SCAF1: variants seen among roughly 807,000 people sequenced by gnomAD.
The protein encoded by SCAF1 is SR-related CTD associated factor 1.
In SCAF1, 28 loss-of-function variants were observed where a neutral mutation model predicts 91.2. That is an observed-to-expected ratio of 0.31 (90% CI 0.23 to 0.42). The LOEUF (loss-of-function observed/expected upper bound fraction) is 0.42, where lower values mean the gene tolerates loss of function less well. Ranked by LOEUF, SCAF1 falls within the 10% of genes least tolerant of loss-of-function variation. The pLI is 1.00. For synonymous variants in SCAF1, 1,036 were observed against 833.7 expected (o/e 1.24, Z -4.18); for missense variants, 1,893 against 1,872.1 (o/e 1.01, Z -0.21).
intron 6 of SCAF1, among the ~76,000 whole-genome samples, chr19:49,650,342 G>T (rs2081078036): frequency 6.6e-6 from 1 of 152,152 alleles, no homozygotes; most frequent in African/African-American, 2.4e-5. Flanking sequence ...GGCGCAGCAG[G>T]CCAGAGCTTG....
In SCAF1 at chr19:49,653,187, G is replaced by T. The variant is rs768112908; in HGVS notation, c.2798G>T (p.Ser933Ile). The change falls in exon 7 of 11, where the codon AGC becomes ATC. Residue 933 changes from serine to isoleucine, a missense_variant. Transcript: ENST00000360565. ...AAAAAGGTCCGCAGTGGAGGTGGCAGCGGGGGCAGTGGTGGCCAGGTGTCG... is the reference window on the plus strand; with the variant it reads ...AAAAAGGTCCGCAGTGGAGGTGGCATCGGGGGCAGTGGTGGCCAGGTGTCG... The part of the protein sequence containing the change: ...TRKKVRSGGG[S>I]GGSGGQVSLK... The T allele has an allele frequency of 1.3e-6, 2 of 1,571,152 alleles. No homozygotes were observed. Among genetic ancestry groups the T allele is most frequent in the Non-Finnish European group, 1.7e-6 (2 of 1,159,230 alleles).
At position 49,658,322 on chromosome 19, in the gene SCAF1, C is replaced by A. The variant is rs1410616643; in HGVS notation, c.3862C>A (p.Pro1288Thr). The part of the protein sequence containing the change: ...RKHGRKPGDP[P>T]GPPRPPKEPG... Reference sequence around the variant, plus strand: ...GCACGGTCGCAAGCCAGGGGACCCCCCAGGGCCCCCACGGCCGCCCAAGGA... The same window carrying A: ...GCACGGTCGCAAGCCAGGGGACCCCACAGGGCCCCCACGGCCGCCCAAGGA... Residue 1288 changes from proline to threonine, a missense_variant, in exon 11 of 11, where the codon CCA becomes ACA. Coordinates refer to ENST00000360565, the MANE Select transcript of SCAF1 (RefSeq NM_021228.3). 6.3e-7 allele frequency: 1 copy of A among 1,599,942 alleles called. No individual in the cohort carries two copies. Among genetic ancestry groups the A allele is most frequent in the East Asian group, 2.3e-5 (1 of 43,972 alleles).
In SCAF1 at chr19:49,651,930, C is replaced by T; in HGVS notation, c.1541C>T (p.Pro514Leu). 1 of 1,182,250 alleles carries T rather than the reference C, an allele frequency of 8.5e-7. No homozygotes were observed. The highest frequency in any genetic ancestry group is 1.1e-6 in the Non-Finnish European group (1 of 948,276). 73.2% of individuals were successfully genotyped at this position (1,182,250 alleles called of 1,614,324 possible). A position where few individuals can be genotyped will look rare whatever the true frequency, so the allele number is the denominator to read the frequency against. Residue 514 changes from proline (P) to leucine (L), a missense_variant, in exon 7 of 11, where the codon CCC (proline) becomes CTC (leucine). Around this residue, in one of 5 missense-constraint regions of SCAF1, gnomAD observed 1,436 missense variants for 1,306.8 expected, o/e 1.10. Transcript: ENST00000360565. ...GCCCCGGCCGCCGCTGCTGGTCCGCCCACGCGCAAGAAGTCCAGGCGGGAA... is the reference window on the plus strand; with the variant it reads ...GCCCCGGCCGCCGCTGCTGGTCCGCTCACGCGCAAGAAGTCCAGGCGGGAA... ...APAPAAAAGP[P>L]TRKKSRRERK...
In SCAF1 at chr19:49,653,119, AACCAAGGGG is replaced by A. The variant is rs1568444900; in HGVS notation, c.2739_2747del (p.Thr914_Gly916del). On this transcript the variant is annotated inframe_deletion, in exon 7 of 11. Coordinates refer to ENST00000360565, the MANE Select transcript of SCAF1 (RefSeq NM_021228.3). ...TCAAGGCCAAGGCAGGGGCCAAGAA[AACCAAGGGG>A]ACCAAGGGAAAGACCAAGCCATCCA... The A allele has an allele frequency of 6.2e-7, 1 of 1,611,830 alleles. No individual in the cohort carries two copies. The highest frequency in any genetic ancestry group is 2.2e-5 in the East Asian group (1 of 44,858).
At chr19:49,650,624 C>A (rs985624251) in intron 6 of SCAF1, among the ~76,000 whole-genome samples, 4 of 152,188 alleles carry the variant, frequency 2.6e-5, no homozygotes, top group African/African-American at 9.7e-5. Context: ...TGACTGCTGC[C>A]TTCTCTCTGT....
At chr19:49,643,485 C>A (rs1229513968) in intron 1 of SCAF1, among the ~76,000 whole-genome samples, 1 of 152,190 alleles carries the variant, frequency 6.6e-6, no homozygotes, top group East Asian at 1.9e-4. Flanking sequence ...TGGTATATGA[C>A]CCTGTTGTTG....
Position 49,652,999 on chromosome 19 carries a change from C to T in SCAF1, c.2610C>T (p.Arg870=), listed in dbSNP as rs759340510. 14 of 1,613,842 alleles carry T rather than the reference C, an allele frequency of 8.7e-6. No homozygotes were observed. Among genetic ancestry groups the T allele is most frequent in the African/African-American group, 1.3e-5 (1 of 74,930 alleles). The change falls in exon 7 of 11, where the codon CGC becomes CGT. Residue 870 remains arginine, a synonymous_variant. Coordinates refer to ENST00000360565, the MANE Select transcript of SCAF1 (RefSeq NM_021228.3). ...GSIGVKFSRD[R]ESRSPFLKPD... ...TTGGCGTCAAATTCAGCCGTGACCG[C>T]GAGAGTCGCTCCCCCTTCCTCAAAC...
Position 49,651,892 on chromosome 19 carries a change from GGCGCCC to G in SCAF1, c.1512_1517del (p.Pro507_Ala508del), listed in dbSNP as rs1178521111. 1.7e-5 allele frequency: 20 copies of G among 1,180,782 alleles called. No individual in the cohort carries two copies. The highest frequency in any genetic ancestry group is 2.1e-5 in the Non-Finnish European group (20 of 952,014). The allele number at this position is 1,180,782 out of a possible 1,614,324, so 73.1% of individuals were successfully genotyped here. ...GCTACCGCCAGCGCTCGCCCTCCCCGGCGCCCGCGCCCGCCCCGGCCGCCGCTGCTG... is the reference window on the plus strand; with the variant it reads ...GCTACCGCCAGCGCTCGCCCTCCCCGGCGCCCGCCCCGGCCGCCGCTGCTG... On this transcript the variant is annotated inframe_deletion, in exon 7 of 11. Coordinates refer to ENST00000360565, the MANE Select transcript of SCAF1 (RefSeq NM_021228.3).
At chr19:49,654,223 C>A in intron 7 of SCAF1, 126 bp from the exon 8 acceptor site, 1 of 758,744 alleles carries the variant, frequency 1.3e-6, no homozygotes, top group South Asian at 1.7e-5. Context: ...CAGTTCTGAG[C>A]GTGAGGCTTT....
At position 49,652,553 on chromosome 19, in the gene SCAF1, C is replaced by T. The variant is rs757926321; in HGVS notation, c.2164C>T (p.Pro722Ser). 9 of 1,565,558 alleles carry T rather than the reference C, an allele frequency of 5.7e-6. No individual in the cohort carries two copies. Among genetic ancestry groups the T allele is most frequent in the South Asian group, 4.7e-5 (4 of 85,556 alleles). ...CGACCCCCGAGGACCCTCTCCTGCT[C>T]CGGCCTCCTCACCTAAGCGGGAGGT... Reference protein sequence around the residue: ...KSDPRGPSPAPASSPKREVLY... With the variant: ...KSDPRGPSPASASSPKREVLY... Residue 722 changes from proline (P) to serine (S), a missense_variant, in exon 7 of 11, where the codon CCG (proline) becomes TCG (serine). By Grantham distance (74) the Pro-to-Ser change is moderately conservative (BLOSUM62 -1). Coordinates refer to ENST00000360565, the MANE Select transcript of SCAF1 (RefSeq NM_021228.3).
chr19:49,643,479 A>G (rs995763958), intron 1 of SCAF1, among the ~76,000 whole-genome samples: 1 of 152,138 alleles, frequency 6.6e-6, no homozygotes, highest in Non-Finnish European at 1.5e-5. Context: ...CTAAACTGGT[A>G]TATGACCCTG....
chr19:49,653,839 G>T, intron 7 of SCAF1, 134 bp downstream of exon 7: 1 of 859,150 alleles, frequency 1.2e-6, no homozygotes, highest in Non-Finnish European at 1.7e-6. Flanking sequence ...GGGTGGGGGT[G>T]AGTAAAGGCC....
chr19:49,653,474 GAA>G lies in SCAF1; in HGVS notation c.3086_3087del (p.Glu1029GlyfsTer38). ...GGAEEEEEEE[E>X]EEEEEEEEEE... ...GGCGGAGGAGGAGGAGGAGGAAGAAGAAGAGGAGGAGGAAGAGGAAGAGGAGG... is the reference window on the plus strand; with the variant it reads ...GGCGGAGGAGGAGGAGGAGGAAGAAGGAGGAGGAGGAAGAGGAAGAGGAGG... On this transcript the variant is annotated frameshift_variant, in exon 7 of 11. Coordinates refer to ENST00000360565, the MANE Select transcript of SCAF1 (RefSeq NM_021228.3). LOFTEE classifies it high-confidence loss of function. 6.4e-7 allele frequency: 1 copy of G among 1,556,442 alleles called. No homozygotes were observed. The highest frequency in any genetic ancestry group is 8.7e-7 in the Non-Finnish European group (1 of 1,153,252).
rs1282601610 is a variant in SCAF1 at position 49,652,198 on chromosome 19, G to A, written c.1809G>A (p.Arg603=). 3.2e-5 allele frequency: 42 copies of A among 1,293,064 alleles called. 1 individual carries two copies. The South Asian group carries it at 8.0e-4, about 25-fold the overall frequency. The allele number at this position is 1,293,064 out of a possible 1,614,324, so 80.1% of individuals were successfully genotyped here. ...RRGGSRRSRS[R]EKRRRRRRSA... ...GGGGCAGCCGCAGGTCGCGGTCCCG[G>A]GAGAAGCGGCGACGGCGGCGGCGCT... Residue 603 remains arginine, a synonymous_variant, in exon 7 of 11, where the codon CGG becomes CGA. Transcript: ENST00000360565.
Position 49,654,752 on chromosome 19 carries a change from C to T in SCAF1, c.3500C>T (p.Pro1167Leu). Residue 1167 changes from proline (P) to leucine (L), a missense_variant, in exon 9 of 11, where the codon CCT (proline) becomes CTT (leucine). Pro to Leu is a moderately conservative substitution (Grantham distance 98). Coordinates refer to ENST00000360565, the MANE Select transcript of SCAF1 (RefSeq NM_021228.3). ...CCTGGCCCCTCCAGCTACCTGCTTCCTGGCAGCCTCCCTCTGGGGGGCTGC... is the reference window on the plus strand; with the variant it reads ...CCTGGCCCCTCCAGCTACCTGCTTCTTGGCAGCCTCCCTCTGGGGGGCTGC... Reference protein sequence around the residue: ...LPPGPSSYLLPGSLPLGGCGS... With the variant: ...LPPGPSSYLLLGSLPLGGCGS... The T allele has an allele frequency of 6.2e-7, 1 of 1,613,904 alleles. No homozygotes were observed. The highest frequency in any genetic ancestry group is 1.1e-5 in the South Asian group (1 of 91,078).
Position 49,654,774 on chromosome 19 carries a change from C to T in SCAF1, c.3522C>T (p.Gly1174=), listed in dbSNP as rs61741246. The change falls in exon 9 of 11, where the codon GGC becomes GGT. Residue 1174 remains glycine, a synonymous_variant. Coordinates refer to ENST00000360565, the MANE Select transcript of SCAF1 (RefSeq NM_021228.3). ...TTCCTGGCAGCCTCCCTCTGGGGGG[C>T]TGCGGTTCGACCCCCCCCACCCCCA... ...YLLPGSLPLG[G]CGSTPPTPTG... 1.2e-6 allele frequency: 2 copies of T among 1,613,228 alleles called. No individual in the cohort carries two copies.
intron 6 of SCAF1, among the ~76,000 whole-genome samples, chr19:49,648,465 C>T (rs960098943): frequency 1.3e-5 from 2 of 151,482 alleles, no homozygotes; most frequent in African/African-American, 2.4e-5. Flanking sequence ...TGATATGTTG[C>T]GCAGGCTGGT....
At position 49,653,022 on chromosome 19, in the gene SCAF1, A is replaced by G. The variant is rs757411907; in HGVS notation, c.2633A>G (p.Lys878Arg). 1.2e-6 allele frequency: 2 copies of G among 1,613,952 alleles called. No individual in the cohort carries two copies. Among genetic ancestry groups the G allele is most frequent in the Non-Finnish European group, 1.7e-6 (2 of 1,180,016 alleles). ...CGCGAGAGTCGCTCCCCCTTCCTCA[A>G]ACCTGACGAGCGGGCCCCCACTGAG... is the stretch of plus-strand genomic sequence containing the variant. Reference protein sequence around the residue: ...RDRESRSPFLKPDERAPTEMA... With the variant: ...RDRESRSPFLRPDERAPTEMA... The change falls in exon 7 of 11, where the codon AAA becomes AGA. Residue 878 changes from lysine to arginine, a missense_variant. By Grantham distance (26) the Lys-to-Arg change is conservative. Transcript: ENST00000360565.
At position 49,642,540 on chromosome 19, in the gene SCAF1, C is replaced by A. The variant is rs2081033085; in HGVS notation, c.-7+298C>A. ...GGCCTGCCCTCCATCACACAGCTGG[C>A]CTGGATCGTGTCTGTAGACACTGTA... On this transcript the variant is annotated intron_variant, in intron 1 of 10. Coordinates refer to ENST00000360565, the MANE Select transcript of SCAF1 (RefSeq NM_021228.3). The surrounding 1 kb of genome is among the most constrained non-coding windows in gnomAD (Gnocchi z 4.0). 6.6e-6 allele frequency: 1 copy of A among 152,230 alleles called. No homozygotes were observed. The highest frequency in any genetic ancestry group is 2.1e-4 in the South Asian group (1 of 4,826). The allele number at this position is 152,230 out of a possible 1,614,324, so 9.4% of individuals were successfully genotyped here. A position where few individuals can be genotyped will look rare whatever the true frequency, so the allele number is the denominator to read the frequency against.
Sources: allele counts gnomAD v4.1 joint callset (sites outside exome capture counted in the v4.1 genomes callset), GRCh38; gene constraint gnomAD v4.1.1; regional missense constraint gnomAD v4.1.1; non-coding constraint Gnocchi (gnomAD v3.1); transcripts MANE v1.5; gene names NCBI Gene and HGNC (gene_info 2026-07-23, HGNC 2026-07-21).